The following TMEM120B variants were observed in gnomAD, a reference collection of about 807,000 sequenced individuals.
TMEM120B encodes transmembrane protein 120B.
TMEM120B carries 31 observed loss-of-function variants against 55.5 expected under a neutral mutation model. The ratio of observed to expected loss-of-function variants is 0.56; its 90% CI spans 0.42 to 0.75. The LOEUF (loss-of-function observed/expected upper bound fraction) is 0.75. Ranked by LOEUF, TMEM120B falls within the 30% of genes least tolerant of loss-of-function variation. TMEM120B has a pLI of 0.00. For missense variants in TMEM120B, 399 were observed against 425.5 expected, an observed-to-expected ratio of 0.94 and a Z score of 0.55; for synonymous variants, 203 against 176.3, an observed-to-expected ratio of 1.15 and a Z score of -1.20.
chr12:121,760,562 C>T (rs1364124646), intron 5 of TMEM120B, among the ~76,000 whole-genome samples: 1 of 152,180 alleles, frequency 6.6e-6, no homozygotes, highest in African/African-American at 2.4e-5. Context: ...GGAATGTCCC[C>T]GGAAAGTCAT....
chr12:121,748,821 C>A (rs775512768), intron 3 of TMEM120B, among the ~76,000 whole-genome samples: 1 of 152,182 alleles, frequency 6.6e-6, no homozygotes, highest in Non-Finnish European at 1.5e-5. Flanking sequence ...ACAATCTGTG[C>A]GTCAGACCAA....
At chr12:121,748,617 A>T (rs982321181) in intron 3 of TMEM120B, among the ~76,000 whole-genome samples, 175 bp downstream of exon 3, 1 of 151,996 alleles carries the variant, frequency 6.6e-6, no homozygotes, top group Non-Finnish European at 1.5e-5. Context: ...CCAGGAGGGG[A>T]CCTTAGCCAC....
chr12:121,730,622 G>A (rs1274231192), intron 1 of TMEM120B, among the ~76,000 whole-genome samples: 1 of 137,436 alleles, frequency 7.3e-6, no homozygotes, highest in Non-Finnish European at 1.5e-5. Context: ...CTGCACTCCA[G>A]CCTGGCGACA....
At position 121,730,454 on chromosome 12, in the gene TMEM120B, G is replaced by A. The variant is rs141983825; in HGVS notation, c.70-13175G>A. 2.7e-3 allele frequency among the ~76,000 whole-genome samples: 386 copies of A among 140,844 alleles called. 1 individual carries two copies. The highest frequency in any genetic ancestry group is 0.019 in the Middle Eastern group (5 of 270). 92.4% of individuals were successfully genotyped at this position (140,844 alleles called of 152,430 possible). On this transcript the variant is annotated intron_variant, in intron 1 of 11. Coordinates refer to ENST00000449592, the MANE Select transcript of TMEM120B (RefSeq NM_001080825.2). Reference sequence around the variant, plus strand: ...GAGGTCAGGAGATCGAGACCATCCTGGCCAATATGGTGAAACCCCTTCTCT... The same window carrying A: ...GAGGTCAGGAGATCGAGACCATCCTAGCCAATATGGTGAAACCCCTTCTCT...
intron 1 of TMEM120B, among the ~76,000 whole-genome samples, chr12:121,714,153 G>T (rs1894651512): frequency 6.6e-6 from 1 of 152,200 alleles, no homozygotes; most frequent in Admixed American, 6.5e-5. Context: ...TGTCCAGCAT[G>T]TGTAGGTTGA....
At position 121,779,893 on chromosome 12, in the gene TMEM120B, C is replaced by G. The variant is rs184035191; in HGVS notation, c.*4171C>G. The G allele has an allele frequency of 1.5e-5, 8 of 524,200 alleles. No homozygotes were observed. The highest frequency in any genetic ancestry group is 7.5e-5 in the African/African-American group (4 of 53,010). The allele number at this position is 524,200 out of a possible 1,614,324, so 32.5% of individuals were successfully genotyped here. ...CCTGTCCAGGCCCCCACCCTGGCCT[C>G]TCTCCAGCTCCGGGCAGGGAGGGGC... On this transcript the variant is annotated 3_prime_UTR_variant, in exon 12 of 12. Transcript: ENST00000449592.
At position 121,780,513 on chromosome 12, in the gene TMEM120B, C is replaced by T. The variant is rs555390520; in HGVS notation, c.*4791C>T. ...ACTTTCAAACAAGGCAGACAGGACA[C>T]GACAGGACGGCGGCTCATAGCACAG... On this transcript the variant is annotated 3_prime_UTR_variant, in exon 12 of 12. Transcript: ENST00000449592. 4 of 417,368 alleles carry T rather than the reference C, an allele frequency of 9.6e-6. No individual in the cohort carries two copies. The highest frequency in any genetic ancestry group is 2.0e-5 in the African/African-American group (1 of 49,600). 25.9% of individuals were successfully genotyped at this position (417,368 alleles called of 1,614,324 possible).
chr12:121,723,633 G>A (rs1216826955), intron 1 of TMEM120B, among the ~76,000 whole-genome samples: 1 of 152,156 alleles, frequency 6.6e-6, no homozygotes, highest in Non-Finnish European at 1.5e-5. Flanking sequence ...CTCAACTGGA[G>A]GGCAGTTCCT....
intron 5 of TMEM120B, among the ~76,000 whole-genome samples, chr12:121,757,609 T>C (rs1592941668): frequency 6.6e-6 from 1 of 151,066 alleles, no homozygotes; most frequent in Admixed American, 6.6e-5. Flanking sequence ...CTCTGCCTCC[T>C]GGGTTCATGC....
chr12:121,758,125 CAG>C (rs1386195412), intron 5 of TMEM120B: 26 of 982,952 alleles, frequency 2.6e-5, no homozygotes, highest in Non-Finnish European at 3.1e-5. Context: ...TTGCCAAAGA[CAG>C]AGCCTTTGTC....
rs1874208564 is a variant in TMEM120B, at chr12:121,775,471, C to T, written c.907-138C>T. Reference sequence around the variant, plus strand: ...AGGCCTCACCCTTCCCCCAGGTCTCCTGAATCTCTGCCTTCGATGGCAAAA... The same window carrying T: ...AGGCCTCACCCTTCCCCCAGGTCTCTTGAATCTCTGCCTTCGATGGCAAAA... On this transcript the variant is annotated intron_variant, in intron 11 of 11. Coordinates refer to ENST00000449592, the MANE Select transcript of TMEM120B (RefSeq NM_001080825.2). The surrounding 1 kb of genome is among the most constrained non-coding windows in gnomAD (Gnocchi z 4.3). 2 of 1,447,476 alleles carry T rather than the reference C, an allele frequency of 1.4e-6. No homozygotes were observed. The highest frequency in any genetic ancestry group is 1.8e-6 in the Non-Finnish European group (2 of 1,104,906). The allele number at this position is 1,447,476 out of a possible 1,614,324, so 89.7% of individuals were successfully genotyped here.
intron 1 of TMEM120B, among the ~76,000 whole-genome samples, chr12:121,720,102 A>G (rs1235752364): frequency 6.6e-6 from 1 of 152,162 alleles, no homozygotes; most frequent in Non-Finnish European, 1.5e-5. Flanking sequence ...CGAGGCACAG[A>G]GGGATTACAT....
At chr12:121,715,462 T>C (rs1894683094) in intron 1 of TMEM120B, among the ~76,000 whole-genome samples, 1 of 152,232 alleles carries the variant, frequency 6.6e-6, no homozygotes, top group Non-Finnish European at 1.5e-5. Flanking sequence ...TTCTTAGGAC[T>C]TGGTCCTCAG....
intron 1 of TMEM120B, among the ~76,000 whole-genome samples, chr12:121,722,101 T>C (rs945648745): frequency 1.0e-4 from 5 of 50,214 alleles, no homozygotes; most frequent in African/African-American, 1.5e-4. Flanking sequence ...ACACCTGGCC[T>C]TTTTTTTTTT....
intron 1 of TMEM120B, among the ~76,000 whole-genome samples, chr12:121,742,972 C>T (rs895871285): frequency 1.3e-5 from 2 of 152,044 alleles, no homozygotes; most frequent in African/African-American, 4.8e-5. Context: ...GGGTTGTTTC[C>T]CTGCCTGTGG....
intron 1 of TMEM120B, among the ~76,000 whole-genome samples, chr12:121,724,483 A>G (rs1009026691): frequency 1.3e-5 from 2 of 150,772 alleles, no homozygotes; most frequent in South Asian, 4.2e-4. Flanking sequence ...TGGCTGTACT[A>G]TTTCTTAGGT....
chr12:121,766,926 C>T (rs1396951785), intron 6 of TMEM120B, among the ~76,000 whole-genome samples: 2 of 152,210 alleles, frequency 1.3e-5, no homozygotes, highest in African/African-American at 2.4e-5. Flanking sequence ...AGAAGCCATT[C>T]CCCACTGTCT....
rs1391499971 is a variant in TMEM120B at position 121,779,503 on chromosome 12, G to A, written c.*3781G>A. On this transcript the variant is annotated 3_prime_UTR_variant, in exon 12 of 12. Coordinates refer to ENST00000449592, the MANE Select transcript of TMEM120B (RefSeq NM_001080825.2). ...TGAGGTCTGTCTGCCCTGGGTCAGA[G>A]CAGCAGGCAGAGCCGGCGCTTCTTC... 1.2e-6 allele frequency: 2 copies of A among 1,611,772 alleles called. No individual in the cohort carries two copies. Among genetic ancestry groups the A allele is most frequent in the Non-Finnish European group, 1.7e-6 (2 of 1,180,014 alleles).
Position 121,718,814 on chromosome 12 carries a change from T to C in TMEM120B, c.69+5850T>C, listed in dbSNP as rs985209822. ...TGGTTTTAAGCCAAAAGAGGGTTTA[T>C]TGAGTCAAGTCTAGTGGCAAATGGC... is the stretch of plus-strand genomic sequence containing the variant. On this transcript the variant is annotated intron_variant, in intron 1 of 11. Transcript: ENST00000449592. Among the ~76,000 whole-genome samples, 4 of 152,156 alleles carry C rather than the reference T, an allele frequency of 2.6e-5. 1 individual carries two copies. Among genetic ancestry groups the C allele is most frequent in the Admixed American group, 6.6e-5 (1 of 15,264 alleles).
Sources: allele counts gnomAD v4.1 joint callset (sites outside exome capture counted in the v4.1 genomes callset), GRCh38; gene constraint gnomAD v4.1.1; non-coding constraint Gnocchi (gnomAD v3.1); transcripts MANE v1.5; gene names NCBI Gene and HGNC (gene_info 2026-07-23, HGNC 2026-07-21).